Variants in GPR35 observed in about 807,000 individuals in gnomAD.
The protein encoded by GPR35 is KYNA receptor.
For missense variants in GPR35, 372 were observed against 422.5 expected (o/e 0.88, Z 1.05); for synonymous variants, 207 against 198.4 (o/e 1.04, Z -0.36).
upstream of GPR35, among the ~76,000 whole-genome samples, chr2:240,622,996 C>G (rs2043313997): frequency 6.6e-6 from 1 of 152,240 alleles, no homozygotes; most frequent in Non-Finnish European, 1.5e-5. Context: ...GCCTCTCGAA[C>G]CTGGGGACTC....
upstream of GPR35, among the ~76,000 whole-genome samples, chr2:240,623,317 AGGTCGT>A (rs2043321449): frequency 7.1e-6 from 1 of 141,224 alleles, no homozygotes; most frequent in Non-Finnish European, 1.6e-5. Flanking sequence ...GGGCGCAAAC[AGGTCGT>A]GAGGGCGCAA....
chr2:240,606,355 T>C (rs2043134074), intron 1 of GPR35: 1 of 152,300 alleles, frequency 6.6e-6, no homozygotes, highest in Non-Finnish European at 1.5e-5. Flanking sequence ...CATCGGGCAC[T>C]GTGGCATTGT....
chr2:240,613,863 C>A (rs1456400414), intron 2 of GPR35, among the ~76,000 whole-genome samples: 2 of 151,380 alleles, frequency 1.3e-5, no homozygotes, highest in Non-Finnish European at 2.9e-5. Flanking sequence ...AAAACTCTAA[C>A]CCTAACCCTA....
At chr2:240,608,832 A>G (rs1323111376) in intron 2 of GPR35, among the ~76,000 whole-genome samples, 1 of 152,176 alleles carries the variant, frequency 6.6e-6, no homozygotes, top group Non-Finnish European at 1.5e-5. Context: ...TGTTTGATGG[A>G]ATTCATCAGT....
chr2:240,622,859 GC>G (rs2043312112), upstream of GPR35, among the ~76,000 whole-genome samples: 1 of 152,204 alleles, frequency 6.6e-6, no homozygotes, highest in African/African-American at 2.4e-5. Context: ...GGGGCGGAGG[GC>G]CCCGGGCAGT....
At chr2:240,615,294 A>G (rs1331071849) in intron 2 of GPR35, among the ~76,000 whole-genome samples, 1 of 152,156 alleles carries the variant, frequency 6.6e-6, no homozygotes, top group Non-Finnish European at 1.5e-5. Flanking sequence ...TCTAAGCCTC[A>G]TGTAGACCCG....
chr2:240,617,056 CAG>C (rs1198199838), intron 3 of GPR35: 1 of 725,252 alleles, frequency 1.4e-6, no homozygotes, highest in East Asian at 2.6e-5. Context: ...ACCTGGATTG[CAG>C]ACTCATGAAA....
chr2:240,605,851 C>T (rs1426637313), intron 1 of GPR35, among the ~76,000 whole-genome samples: 1 of 152,144 alleles, frequency 6.6e-6, no homozygotes, highest in East Asian at 1.9e-4. Flanking sequence ...TCATTTTATT[C>T]CTGGGGATAA....
chr2:240,608,200 T>C (rs1015466483), intron 2 of GPR35, among the ~76,000 whole-genome samples: 2 of 152,238 alleles, frequency 1.3e-5, no homozygotes, highest in Non-Finnish European at 2.9e-5. Flanking sequence ...CTGAATTTTC[T>C]ACATGCATGA....
chr2:240,622,993 G>A (rs913297365), upstream of GPR35, among the ~76,000 whole-genome samples: 1 of 152,218 alleles, frequency 6.6e-6, no homozygotes, highest in Non-Finnish European at 1.5e-5. Flanking sequence ...CTGGCCTCTC[G>A]AACCTGGGGA....
rs1256789408 is a variant in GPR35 at position 240,630,121 on chromosome 2, A to G, written c.169A>G (p.Ile57Val). Residue 57 changes from isoleucine (I) to valine (V), a missense_variant, in exon 2 of 2, where the codon ATC becomes GTC. Coordinates refer to ENST00000407714, the MANE Select transcript of GPR35 (RefSeq NM_005301.5). Reference sequence around the variant, plus strand: ...CATGCAGCAGTGGACGGAGACCCGCATCTACATGACCAACCTGGCGGTGGC... The same window carrying G: ...CATGCAGCAGTGGACGGAGACCCGCGTCTACATGACCAACCTGGCGGTGGC... ...CRMQQWTETR[I>V]YMTNLAVADL... 3 of 1,606,286 alleles carry G rather than the reference A, an allele frequency of 1.9e-6. No homozygotes were observed. The highest frequency in any genetic ancestry group is 1.7e-6 in the Non-Finnish European group (2 of 1,179,484).
upstream of GPR35, among the ~76,000 whole-genome samples, chr2:240,623,360 G>A (rs111515485): frequency 4.1e-3 from 532 of 130,614 alleles, 15 homozygotes; most frequent in Non-Finnish European, 4.6e-3. Context: ...CAAACAGGTC[G>A]TGAGGGCGCA....
intron 2 of GPR35, among the ~76,000 whole-genome samples, chr2:240,607,946 C>T (rs1250410246): frequency 2.6e-5 from 4 of 151,784 alleles, no homozygotes; most frequent in Non-Finnish European, 5.9e-5. Flanking sequence ...GGCTGGAGTA[C>T]AGTGATGCAA....
chr2:240,631,183 G>A lies in GPR35; in HGVS notation c.*301G>A, dbSNP rs2043444084. 6.6e-6 allele frequency: 3 copies of A among 455,674 alleles called. No homozygotes were observed. 28.2% of individuals were successfully genotyped at this position (455,674 alleles called of 1,614,324 possible). A position where few individuals can be genotyped will look rare whatever the true frequency, so the allele number is the denominator to read the frequency against. ...ACCTGGCCAGAGTGGGTTCCTGCTG[G>A]CCAGGGTGCAGCCTTGATGACACCT... On this transcript the variant is annotated 3_prime_UTR_variant, in exon 2 of 2. Coordinates refer to ENST00000407714, the MANE Select transcript of GPR35 (RefSeq NM_005301.5).
chr2:240,625,930 G>GGGGTGAGGCTGTGATGGGTTCTCAGAGCA (rs1377548451), intron 1 of GPR35, among the ~76,000 whole-genome samples: 1 of 127,332 alleles, frequency 7.9e-6, no homozygotes, highest in African/African-American at 2.7e-5. Flanking sequence ...GTCTCAGAGT[G>GGGGTGAGGCTGTGATGGGTTCTCAGAGCA]GGGTGAGGCT....
At chr2:240,617,081 T>C in intron 3 of GPR35, 1 of 714,554 alleles carries the variant, frequency 1.4e-6, no homozygotes, top group Non-Finnish European at 2.6e-6. Context: ...CCTGAAACTC[T>C]ACCAACAGCC....
At chr2:240,613,962 C>A (rs1195620958) in intron 2 of GPR35, among the ~76,000 whole-genome samples, 2 of 151,896 alleles carry the variant, frequency 1.3e-5, no homozygotes, top group East Asian at 3.9e-4. Context: ...TAACTCAACC[C>A]AAACCTTAAC....
At chr2:240,616,825 T>C (rs1208492308) in intron 3 of GPR35, 5 of 685,734 alleles carry the variant, frequency 7.3e-6, no homozygotes, top group Admixed American at 4.1e-5. Context: ...CTTGGATGCA[T>C]ACTCTCTCTC....
intron 2 of GPR35, among the ~76,000 whole-genome samples, chr2:240,615,888 CA>C (rs1025489262): frequency 1.3e-5 from 2 of 152,204 alleles, no homozygotes; most frequent in African/African-American, 4.8e-5. Flanking sequence ...GCTCAATTCC[CA>C]CCTTATACGT....
Sources: gnomAD v4.1 joint callset for allele counts (sites outside exome capture counted in the v4.1 genomes callset) on GRCh38, gnomAD v4.1.1 for gene constraint, MANE v1.5 for transcripts, NCBI Gene and HGNC (gene_info 2026-07-23, HGNC 2026-07-21) for gene names.